The following KCNG2 variants were observed in gnomAD, a reference collection of about 807,000 sequenced individuals.
The protein encoded by KCNG2 is voltage-gated potassium channel regulatory subunit KCNG2.
Under a neutral mutation model 12.3 loss-of-function variants are expected in KCNG2, and 7 were observed. That is an observed-to-expected ratio of 0.57 (90% confidence interval 0.32 to 1.07). KCNG2 has a LOEUF of 1.07. Ranked by LOEUF, KCNG2 falls within the 50% of genes least tolerant of loss-of-function variation. The probability of loss-of-function intolerance (pLI) is 0.04; values close to 1 mark genes in which losing one functional copy is unlikely to be tolerated. For synonymous variants in KCNG2, 414 were observed against 351.4 expected, an observed-to-expected ratio of 1.18 and a Z score of -1.99; for missense variants, 703 against 726.0, an observed-to-expected ratio of 0.97 and a Z score of 0.36.
In KCNG2 at chr18:79,884,551, G is replaced by A. The variant is rs1980447001; in HGVS notation, c.625-14489G>A. Among the ~76,000 whole-genome samples the A allele has an allele frequency of 8.8e-6, 1 of 113,928 alleles. No homozygotes were observed. Among genetic ancestry groups the A allele is most frequent in the Non-Finnish European group, 2.0e-5 (1 of 51,184 alleles). The allele number at this position is 113,928 out of a possible 152,430, so 74.7% of individuals were successfully genotyped here. A position where few individuals can be genotyped will look rare whatever the true frequency, so the allele number is the denominator to read the frequency against. On this transcript the variant is annotated intron_variant, in intron 3 of 3. Transcript: ENST00000316249. The surrounding 1 kb of genome is among the most constrained non-coding windows in gnomAD (Gnocchi z 5.5). ...CAGTGGAGGAGCAGGGCTGGGTCTG[G>A]GCCTGGGCCTGGGCGTGGCAGCTCC... is the stretch of plus-strand genomic sequence containing the variant.
intron 1 of KCNG2, among the ~76,000 whole-genome samples, 147 bp downstream of exon 1, chr18:79,798,161 G>A (rs2087377231): frequency 6.6e-6 from 1 of 151,554 alleles, no homozygotes; most frequent in Non-Finnish European, 1.5e-5. Context: ...GCGCGCGGGC[G>A]CGGGAGGGTC....
chr18:79,890,411 G>C (rs1269391509), intron 3 of KCNG2, among the ~76,000 whole-genome samples: 2 of 152,068 alleles, frequency 1.3e-5, no homozygotes, highest in Admixed American at 1.3e-4. Flanking sequence ...GGTAGGATTG[G>C]TCCTGTCACC....
intron 1 of KCNG2, among the ~76,000 whole-genome samples, chr18:79,851,266 T>C (rs140137990): frequency 6.6e-6 from 1 of 152,352 alleles, no homozygotes; most frequent in East Asian, 1.9e-4. Context: ...GAATCAATAT[T>C]ATCTTTAAAG....
intron 3 of KCNG2, among the ~76,000 whole-genome samples, chr18:79,879,215 G>A (rs1279886181): frequency 1.3e-5 from 2 of 152,228 alleles, no homozygotes; most frequent in East Asian, 1.9e-4. Context: ...ACCTCAAAGG[G>A]GAGAATGGCA....
chr18:79,806,243 G>T (rs576926112), intron 1 of KCNG2, among the ~76,000 whole-genome samples: 1 of 152,198 alleles, frequency 6.6e-6, no homozygotes, highest in Non-Finnish European at 1.5e-5. Context: ...GGGGGTTGGG[G>T]CGTGGGGCCA....
At position 79,803,333 on chromosome 18, in the gene KCNG2, C is replaced by T. The variant is rs1011225191; in HGVS notation, c.-115+5319C>T. 1.3e-5 allele frequency among the ~76,000 whole-genome samples: 2 copies of T among 152,184 alleles called. No individual in the cohort carries two copies. The highest frequency in any genetic ancestry group is 2.9e-5 in the Non-Finnish European group (2 of 68,038). ...CCTCTAGGCCTCCAGTTCTTCTTCC[C>T]GGAGGTTCACAGCCACTTCAAGATG... On this transcript the variant is annotated intron_variant, in intron 1 of 3. Coordinates refer to ENST00000316249, the MANE Select transcript of KCNG2 (RefSeq NM_012283.2). The surrounding 1 kb of genome is among the most constrained non-coding windows in gnomAD (Gnocchi z 4.5).
chr18:79,843,769 G>C (rs1443053433), intron 1 of KCNG2, among the ~76,000 whole-genome samples: 2 of 152,052 alleles, frequency 1.3e-5, no homozygotes, highest in Admixed American at 1.3e-4. Flanking sequence ...CATACGCTAT[G>C]AAAAAATTAT....
At chr18:79,854,756 G>A (rs945227190) in intron 1 of KCNG2, among the ~76,000 whole-genome samples, 31 of 152,186 alleles carry the variant, frequency 2.0e-4, no homozygotes, top group African/African-American at 7.2e-4. Context: ...CACGTGATCC[G>A]CCCGCCTTGG....
chr18:79,882,807 A>AGCGCGGAGGCCGGGTACG (rs1980357687), intron 3 of KCNG2, among the ~76,000 whole-genome samples: 1 of 134,498 alleles, frequency 7.4e-6, no homozygotes, highest in African/African-American at 2.6e-5. Context: ...GGCCGGGTAC[A>AGCGCGGAGGCCGGGTACG]CCTGCGCGTG....
At chr18:79,880,316 CAAA>C (rs59558361) in intron 3 of KCNG2, among the ~76,000 whole-genome samples, 5 of 101,374 alleles carry the variant, frequency 4.9e-5, no homozygotes, top group East Asian at 2.7e-4. Flanking sequence ...GACTCTGTCT[CAAA>C]AAAAAAAAAA....
chr18:79,828,412 G>A (rs1234511032), intron 1 of KCNG2, among the ~76,000 whole-genome samples: 1 of 151,504 alleles, frequency 6.6e-6, no homozygotes, highest in African/African-American at 2.4e-5. Flanking sequence ...GTATCAGTGT[G>A]TGCATGTTTG....
chr18:79,854,530 C>CTTTTTTTTTTTTT (rs71163836), intron 1 of KCNG2, among the ~76,000 whole-genome samples: 1 of 135,836 alleles, frequency 7.4e-6, no homozygotes, highest in Non-Finnish European at 1.5e-5. Flanking sequence ...CTTTCATTGG[C>CTTTTTTTTTTTTT]TTTTTTTTTT....
chr18:79,855,095 C>T (rs569169658), intron 1 of KCNG2, among the ~76,000 whole-genome samples: 10 of 151,336 alleles, frequency 6.6e-5, no homozygotes, highest in South Asian at 4.2e-4. Flanking sequence ...TTAATTCCTT[C>T]GTTCATTATT....
rs547540639 is a variant in KCNG2, at chr18:79,884,814, C to G, written c.625-14226C>G. Among the ~76,000 whole-genome samples the G allele has an allele frequency of 1.2e-4, 19 of 152,186 alleles. No homozygotes were observed. Among genetic ancestry groups the G allele is most frequent in the African/African-American group, 4.6e-4 (19 of 41,434 alleles). On this transcript the variant is annotated intron_variant, in intron 3 of 3. Transcript: ENST00000316249. The surrounding 1 kb of genome is among the most constrained non-coding windows in gnomAD (Gnocchi z 5.5). ...CTCGGGAGCGGTTTACCCACAGGTT[C>G]CTGTGCGTGGGAGCAAACTTGCTTT...
At chr18:79,864,697 G>A (rs1329964541) in intron 3 of KCNG2, among the ~76,000 whole-genome samples, 2 of 152,196 alleles carry the variant, frequency 1.3e-5, no homozygotes, top group Non-Finnish European at 2.9e-5. Flanking sequence ...AGACCCAACC[G>A]CATTGTTTCA....
chr18:79,885,232 G>C (rs1203284452), intron 3 of KCNG2, among the ~76,000 whole-genome samples: 3 of 152,152 alleles, frequency 2.0e-5, no homozygotes, highest in African/African-American at 7.2e-5. Context: ...CTGTTAAAAA[G>C]CACAAAAAAA....
At chr18:79,807,927 T>C (rs370241049) in intron 1 of KCNG2, among the ~76,000 whole-genome samples, 11 of 90,852 alleles carry the variant, frequency 1.2e-4, no homozygotes, top group South Asian at 5.5e-4. Context: ...CTCCACGTTA[T>C]GGGCCCAGAG....
At position 79,899,769 on chromosome 18, in the gene KCNG2, C is replaced by T. The variant is rs1599448215; in HGVS notation, c.1354C>T (p.Leu452=). The change falls in exon 4 of 4, where the codon CTG becomes TTG. Residue 452 remains leucine (L), a synonymous_variant. Coordinates refer to ENST00000316249, the MANE Select transcript of KCNG2 (RefSeq NM_012283.2). ...DSSQGPDSAG[L]ADDSADALWV... Reference sequence around the variant, plus strand: ...CTCGCAGGGCCCCGACAGCGCGGGCCTGGCCGACGACTCCGCGGATGCGCT... The same window carrying T: ...CTCGCAGGGCCCCGACAGCGCGGGCTTGGCCGACGACTCCGCGGATGCGCT... 3.3e-6 allele frequency: 5 copies of T among 1,512,804 alleles called. No individual in the cohort carries two copies. The highest frequency in any genetic ancestry group is 4.4e-6 in the Non-Finnish European group (5 of 1,139,702). The allele number at this position is 1,512,804 out of a possible 1,614,324, so 93.7% of individuals were successfully genotyped here. A position where few individuals can be genotyped will look rare whatever the true frequency, so the allele number is the denominator to read the frequency against.
Position 79,899,873 on chromosome 18 carries a change from C to G in KCNG2, c.*57C>G, listed in dbSNP as rs927327083. On this transcript the variant is annotated 3_prime_UTR_variant, in exon 4 of 4. Transcript: ENST00000316249. ...CCCCTCCAGCTGCAGCGTCGGGACC[C>G]CCGAGGTGCGCCAAGGGGTGGGGGG... 1 of 1,285,798 alleles carries G rather than the reference C, an allele frequency of 7.8e-7. No homozygotes were observed. The highest frequency in any genetic ancestry group is 9.8e-7 in the Non-Finnish European group (1 of 1,017,456). 79.6% of individuals were successfully genotyped at this position (1,285,798 alleles called of 1,614,324 possible).
Sources: gnomAD v4.1 joint callset for allele counts (sites outside exome capture counted in the v4.1 genomes callset) on GRCh38, gnomAD v4.1.1 for gene constraint, Gnocchi (gnomAD v3.1) non-coding constraint, MANE v1.5 for transcripts, NCBI Gene and HGNC (gene_info 2026-07-23, HGNC 2026-07-21) for gene names.